The following PSMA2 variants were observed in gnomAD, a reference collection of about 807,000 sequenced individuals.
PSMA2 encodes proteasome 20S subunit alpha 2.
PSMA2 carries 2 observed loss-of-function variants against 35.9 expected under a neutral mutation model. The observed-to-expected ratio is 0.06, with a 90% CI of 0.02 to 0.18. The LOEUF is 0.18. PSMA2 is among the 10% of genes least tolerant of loss of function. The pLI, the probability that PSMA2 is intolerant of heterozygous loss-of-function variation, is 1.00. For synonymous variants in PSMA2, 97 were observed against 98.2 expected (o/e 0.99, Z 0.07); for missense variants, 126 against 278.8 (o/e 0.45, Z 3.90).
intron 1 of PSMA2, among the ~76,000 whole-genome samples, chr7:42,930,921 A>G (rs975734317): frequency 5.3e-5 from 8 of 152,218 alleles, no homozygotes; most frequent in Non-Finnish European, 7.3e-5. Flanking sequence ...CTTTTATTGC[A>G]TAATTAAATT....
intron 1 of PSMA2, among the ~76,000 whole-genome samples, chr7:42,931,825 C>G (rs1007563126): frequency 6.6e-6 from 1 of 152,166 alleles, no homozygotes; most frequent in Non-Finnish European, 1.5e-5. Flanking sequence ...AAACTGCCTT[C>G]TTTTCTGGTC....
At position 42,932,134 on chromosome 7, in the gene PSMA2, A is replaced by G. The variant is rs771543966; in HGVS notation, c.25T>C (p.Ser9Pro). The change falls in exon 1 of 8, where the codon TCG (serine) becomes CCG (proline). Residue 9 changes from serine (S) to proline (P), a missense_variant. This residue lies in a region of PSMA2 where 78 missense variants were observed against 151.1 expected (regional missense o/e 0.52). Transcript: ENST00000223321. Reference protein sequence around the residue: MAERGYSFSLTTFSPSGKL... With the variant: MAERGYSFPLTTFSPSGKL... ...CTTCCATACCTGAATGTAGTCAGCG[A>G]AAAGCTGTACCCGCGCTCCGCCATC... is the stretch of plus-strand genomic sequence containing the variant. 2 of 1,614,178 alleles carry G rather than the reference A, an allele frequency of 1.2e-6. No homozygotes were observed.
chr7:42,931,344 A>T (rs748317466), intron 1 of PSMA2, among the ~76,000 whole-genome samples: 19 of 152,004 alleles, frequency 1.2e-4, no homozygotes, highest in Non-Finnish European at 2.4e-4. Flanking sequence ...CAATTTTTAA[A>T]AGTCTTCGGC....
intron 4 of PSMA2, among the ~76,000 whole-genome samples, chr7:42,923,650 G>C (rs1029562289): frequency 6.6e-6 from 1 of 152,162 alleles, no homozygotes; most frequent in Non-Finnish European, 1.5e-5. Flanking sequence ...AAGACACTGG[G>C]GTTAATAAGT....
At chr7:42,926,777 A>T (rs1409886274) in intron 2 of PSMA2, 109 bp from the exon 3 acceptor site, 2 of 1,259,936 alleles carry the variant, frequency 1.6e-6, no homozygotes, top group Non-Finnish European at 2.1e-6. Context: ...CCTTTAATTT[A>T]TAAAACCTTT....
Position 42,917,466 on chromosome 7 carries a change from A to T in PSMA2, c.*108T>A. Reference sequence around the variant, plus strand: ...GTGTCATTTTAAAAACAGTCGATTTAAACCATGTAGAAATAAGTATGCAAA... The same window carrying T: ...GTGTCATTTTAAAAACAGTCGATTTTAACCATGTAGAAATAAGTATGCAAA... On this transcript the variant is annotated 3_prime_UTR_variant, in exon 8 of 8. Coordinates refer to ENST00000223321, the MANE Select transcript of PSMA2 (RefSeq NM_002787.5). 1.2e-6 allele frequency: 1 copy of T among 818,770 alleles called. No individual in the cohort carries two copies. The highest frequency in any genetic ancestry group is 2.0e-6 in the Non-Finnish European group (1 of 504,102). The allele number at this position is 818,770 out of a possible 1,614,324, so 50.7% of individuals were successfully genotyped here.
intron 1 of PSMA2, chr7:42,931,274 T>C: frequency 2.9e-6 from 1 of 340,734 alleles, no homozygotes; most frequent in South Asian, 2.2e-5. Context: ...GAGTACATTT[T>C]AAGTAAACTG....
intron 6 of PSMA2, chr7:42,921,154 T>A (rs1001923619): frequency 1.3e-5 from 2 of 152,162 alleles, no homozygotes; most frequent in Non-Finnish European, 2.9e-5. Context: ...TCTGCTATGT[T>A]CCCAACACAA....
intron 5 of PSMA2, 104 bp downstream of exon 5, chr7:42,923,221 G>T: frequency 1.1e-6 from 1 of 879,182 alleles, no homozygotes; most frequent in Non-Finnish European, 1.8e-6. Flanking sequence ...CAAGAGAAAA[G>T]AAGAAAATAC....
rs1324587375 is a variant in PSMA2, at chr7:42,917,697, A to C, written c.589-7T>G. 6.2e-7 allele frequency: 1 copy of C among 1,612,940 alleles called. No homozygotes were observed. Among genetic ancestry groups the C allele is most frequent in the Non-Finnish European group, 8.5e-7 (1 of 1,179,342 alleles). On this transcript the variant is annotated splice_region_variant and splice_polypyrimidine_tract_variant and intron_variant, in intron 7 of 7. Transcript: ENST00000223321. The stretch of plus-strand genomic sequence containing the variant: ...TTTGCCCTTCAAAGCTTTCCTATTG[A>C]GGAGGGAGGAAAAAAGGTCAATTTT...
chr7:42,930,141 T>C (rs1395351006), intron 1 of PSMA2, among the ~76,000 whole-genome samples: 1 of 152,192 alleles, frequency 6.6e-6, no homozygotes, highest in Non-Finnish European at 1.5e-5. Flanking sequence ...AGTTTACTTC[T>C]GATTATGAGA....
intron 6 of PSMA2, chr7:42,919,190 C>T (rs1786085731): frequency 8.4e-6 from 5 of 596,972 alleles, no homozygotes; most frequent in African/African-American, 1.8e-5. Context: ...CAGGGAGATA[C>T]AGGAGACTGG....
At chr7:42,925,314 G>A (rs996789567) in intron 3 of PSMA2, among the ~76,000 whole-genome samples, 6 of 152,210 alleles carry the variant, frequency 3.9e-5, no homozygotes. Context: ...TTTCACGCCT[G>A]TAATCCCAAC....
intron 6 of PSMA2, chr7:42,918,338 ACTT>A (rs1483268815): frequency 4.6e-5 from 7 of 152,316 alleles, no homozygotes; most frequent in African/African-American, 1.7e-4. Flanking sequence ...CAGCCAGGAA[ACTT>A]CTTAAGTATA....
intron 4 of PSMA2, among the ~76,000 whole-genome samples, chr7:42,924,094 A>G (rs575247623): frequency 2.6e-5 from 4 of 152,018 alleles, no homozygotes; most frequent in Non-Finnish European, 5.9e-5. Flanking sequence ...GCACAGTCCC[A>G]ACACTTTGGG....
chr7:42,926,305 G>A (rs1786216328), intron 3 of PSMA2, among the ~76,000 whole-genome samples: 2 of 152,206 alleles, frequency 1.3e-5, no homozygotes, highest in Non-Finnish European at 2.9e-5. Context: ...AGAGAAAAGA[G>A]GAGTTATGTA....
At position 42,917,498 on chromosome 7, in the gene PSMA2, G is replaced by C; in HGVS notation, c.*76C>G. 1 of 1,165,328 alleles carries C rather than the reference G, an allele frequency of 8.6e-7. No individual in the cohort carries two copies. Among genetic ancestry groups the C allele is most frequent in the Non-Finnish European group, 1.3e-6 (1 of 794,684 alleles). The allele number at this position is 1,165,328 out of a possible 1,614,324, so 72.2% of individuals were successfully genotyped here. A position where few individuals can be genotyped will look rare whatever the true frequency, so the allele number is the denominator to read the frequency against. ...GTAGAAATAAGTATGCAAAAAGTCT[G>C]CAAAACAAAACATACTTTAAACATG... On this transcript the variant is annotated 3_prime_UTR_variant, in exon 8 of 8. Coordinates refer to ENST00000223321, the MANE Select transcript of PSMA2 (RefSeq NM_002787.5).
At position 42,926,652 on chromosome 7, in the gene PSMA2, T is replaced by C; in HGVS notation, c.135A>G (p.Val45=). Residue 45 remains valine (V), a synonymous_variant, in exon 3 of 8, where the codon GTA becomes GTG. Coordinates refer to ENST00000223321, the MANE Select transcript of PSMA2 (RefSeq NM_002787.5). ...ATTTCTGTTTTTTCTCAGTTGCTAA[T>C]ACCACACCATTTGCAGCTTAAAAAA... ...SVGIKAANGV[V]LATEKKQKSI... The C allele has an allele frequency of 6.2e-7, 1 of 1,606,562 alleles. No homozygotes were observed. Among genetic ancestry groups the C allele is most frequent in the South Asian group, 1.1e-5 (1 of 89,176 alleles).
chr7:42,925,575 G>A (rs1786199303), intron 3 of PSMA2, among the ~76,000 whole-genome samples: 1 of 152,170 alleles, frequency 6.6e-6, no homozygotes, highest in South Asian at 2.1e-4. Flanking sequence ...TACCCAGCAT[G>A]ACCCTGTCTC....
Sources: gnomAD v4.1 joint callset for allele counts (sites outside exome capture counted in the v4.1 genomes callset) on GRCh38, gnomAD v4.1.1 for gene constraint, gnomAD v4.1.1 regional missense constraint, MANE v1.5 for transcripts, NCBI Gene and HGNC (gene_info 2026-07-23, HGNC 2026-07-21) for gene names.